NKAIN3: variants seen among roughly 807,000 people sequenced by gnomAD.
NKAIN3 encodes the protein sodium/potassium-transporting ATPase subunit beta-1-interacting protein 3.
NKAIN3 carries 25 observed loss-of-function variants against 30.2 expected under a neutral mutation model. The observed-to-expected ratio is 0.83, with a 90% confidence interval of 0.60 to 1.16. NKAIN3 has a LOEUF of 1.16. NKAIN3 is among the 50% of genes most tolerant of loss of function. The pLI is 0.00. For synonymous variants in NKAIN3, 91 were observed against 89.6 expected (o/e 1.02, Z -0.09); for missense variants, 225 against 254.1 (o/e 0.89, Z 0.78).
At chr8:62,883,457 G>GTTTTTTTTTTTTTTTT (rs71559381) in intron 4 of NKAIN3, among the ~76,000 whole-genome samples, 1 of 70,230 alleles carries the variant, frequency 1.4e-5, no homozygotes. Context: ...AGTTTTATGG[G>GTTTTTTTTTTTTTTTT]TTTTTTTTTT....
intron 1 of NKAIN3, among the ~76,000 whole-genome samples, chr8:62,374,093 A>C (rs1273489335): frequency 7.1e-6 from 1 of 141,244 alleles, no homozygotes; most frequent in Non-Finnish European, 1.5e-5. Context: ...AGCCTGGGTG[A>C]CAGAGCGAGA....
At chr8:62,346,091 G>A (rs1007094879) in intron 1 of NKAIN3, among the ~76,000 whole-genome samples, 5 of 151,958 alleles carry the variant, frequency 3.3e-5, no homozygotes, top group African/African-American at 1.2e-4. Flanking sequence ...GAGGAAGGTG[G>A]GGAGAGGTTA....
At chr8:62,847,890 TGCATATG>T (rs978100615) in intron 4 of NKAIN3, among the ~76,000 whole-genome samples, 1 of 152,214 alleles carries the variant, frequency 6.6e-6, no homozygotes, top group Non-Finnish European at 1.5e-5. Flanking sequence ...TTTAATTTTC[TGCATATG>T]GCTAACCAGT....
At chr8:62,412,622 C>T (rs1239963481) in intron 1 of NKAIN3, among the ~76,000 whole-genome samples, 2 of 151,844 alleles carry the variant, frequency 1.3e-5, no homozygotes, top group South Asian at 2.1e-4. Context: ...TGGCTGGGTG[C>T]GGTGGCTCAC....
At chr8:62,529,971 C>T (rs1254114493) in intron 1 of NKAIN3, among the ~76,000 whole-genome samples, 1 of 152,178 alleles carries the variant, frequency 6.6e-6, no homozygotes, top group Admixed American at 6.5e-5. Flanking sequence ...TTTCTCCTGG[C>T]TCGGCTATCT....
At chr8:62,811,850 C>G (rs1031596453) in intron 4 of NKAIN3, among the ~76,000 whole-genome samples, 2 of 151,942 alleles carry the variant, frequency 1.3e-5, no homozygotes, top group Non-Finnish European at 2.9e-5. Flanking sequence ...TTAATAGGGT[C>G]TTTCCCAAAG....
chr8:62,541,873 T>C (rs1808856326), intron 1 of NKAIN3, among the ~76,000 whole-genome samples: 1 of 152,206 alleles, frequency 6.6e-6, no homozygotes, highest in Non-Finnish European at 1.5e-5. Flanking sequence ...TCTTTCTTCT[T>C]TGTTGCTTTT....
chr8:62,634,726 G>T (rs552185240), intron 3 of NKAIN3, among the ~76,000 whole-genome samples: 1 of 152,286 alleles, frequency 6.6e-6, no homozygotes, highest in African/African-American at 2.4e-5. Flanking sequence ...TGGACTTGTG[G>T]TGAAAATTCT....
In NKAIN3 at chr8:62,973,522, T is replaced by A. The variant is rs1823878656; in HGVS notation, c.*8115T>A. ...CACTTTTTGATGGAGTTGTTTTTTTTCTTGTAAATTTGTTTAAGTTCCTTG... is the reference window on the plus strand; with the variant it reads ...CACTTTTTGATGGAGTTGTTTTTTTACTTGTAAATTTGTTTAAGTTCCTTG... On this transcript the variant is annotated 3_prime_UTR_variant, in exon 7 of 7. Transcript: ENST00000623646. 6.6e-6 allele frequency among the ~76,000 whole-genome samples: 1 copy of A among 152,238 alleles called. No individual in the cohort carries two copies.
At chr8:62,861,239 G>T (rs185226234) in intron 4 of NKAIN3, among the ~76,000 whole-genome samples, 1 of 152,170 alleles carries the variant, frequency 6.6e-6, no homozygotes. Context: ...TTCAAGAACT[G>T]GTCTTAGTCA....
chr8:62,552,604 T>C (rs1201586627), intron 1 of NKAIN3, among the ~76,000 whole-genome samples: 1 of 152,198 alleles, frequency 6.6e-6, no homozygotes, highest in Non-Finnish European at 1.5e-5. Flanking sequence ...GTTTTCCTGC[T>C]TCTCTTTTGT....
chr8:62,419,688 T>C (rs1468072139), intron 1 of NKAIN3, among the ~76,000 whole-genome samples: 1 of 152,208 alleles, frequency 6.6e-6, no homozygotes, highest in Admixed American at 6.5e-5. Context: ...GGTTTCATTA[T>C]AGCAGTCCTG....
downstream of NKAIN3, among the ~76,000 whole-genome samples, chr8:62,985,710 G>C (rs1287758563): frequency 1.3e-5 from 2 of 151,554 alleles, no homozygotes; most frequent in Non-Finnish European, 2.9e-5. Flanking sequence ...GAGTGAATTT[G>C]TCTTGAACAA....
intron 5 of NKAIN3, among the ~76,000 whole-genome samples, chr8:62,938,000 C>T (rs1001252324): frequency 9.2e-5 from 14 of 152,044 alleles, no homozygotes; most frequent in Admixed American, 3.3e-4. Flanking sequence ...AACATAACTC[C>T]CTTGGCCTGA....
chr8:62,786,115 C>T (rs1022905858), intron 4 of NKAIN3, among the ~76,000 whole-genome samples: 4 of 152,004 alleles, frequency 2.6e-5, no homozygotes, highest in African/African-American at 9.7e-5. Flanking sequence ...TTCAAGTGCT[C>T]CCAACCTCAG....
downstream of NKAIN3, among the ~76,000 whole-genome samples, chr8:62,988,939 C>T (rs1824260254): frequency 6.6e-6 from 1 of 152,174 alleles, no homozygotes; most frequent in Non-Finnish European, 1.5e-5. Flanking sequence ...CCCAGATATG[C>T]TAAATCATCT....
At chr8:62,832,258 GACACACACACACACACAC>G (rs57632946) in intron 4 of NKAIN3, among the ~76,000 whole-genome samples, 29 of 132,682 alleles carry the variant, frequency 2.2e-4, no homozygotes, top group African/African-American at 3.9e-4. Context: ...TGACCAAACA[GACACACACACACACACAC>G]ACACACACAC....
intron 1 of NKAIN3, among the ~76,000 whole-genome samples, chr8:62,338,942 G>C (rs1237982304): frequency 6.6e-6 from 1 of 151,972 alleles, no homozygotes; most frequent in Non-Finnish European, 1.5e-5. Flanking sequence ...ACACACCCAG[G>C]ATCAATCCTT....
chr8:62,265,867 T>C (rs999303667), intron 1 of NKAIN3, among the ~76,000 whole-genome samples: 5 of 152,196 alleles, frequency 3.3e-5, no homozygotes, highest in African/African-American at 4.8e-5. Context: ...TTTTTAAGTA[T>C]CTGAAAGTTA....
Sources: allele counts gnomAD v4.1 joint callset (sites outside exome capture counted in the v4.1 genomes callset), GRCh38; gene constraint gnomAD v4.1.1; transcripts MANE v1.5; gene names NCBI Gene and HGNC (gene_info 2026-07-23, HGNC 2026-07-21).